The following FBN1 variants were observed in gnomAD, a reference collection of about 807,000 sequenced individuals.
FBN1 encodes the protein fibrillin-1.
In FBN1, 29 loss-of-function variants were observed where a neutral mutation model predicts 365.1. The ratio of observed to expected loss-of-function variants is 0.08; its 90% CI spans 0.06 to 0.11. The LOEUF (loss-of-function observed/expected upper bound fraction) is 0.11. FBN1 is among the 10% of genes least tolerant of loss of function. The pLI is 1.00. For missense variants in FBN1, 2,476 were observed against 3,703.2 expected (o/e 0.67, Z 8.60); for synonymous variants, 1,210 against 1,270.5 (o/e 0.95, Z 1.01).
intron 46 of FBN1, among the ~76,000 whole-genome samples, chr15:48,448,425 A>G (rs12591491): frequency 0.018 from 2,677 of 152,238 alleles, 53 homozygotes; most frequent in East Asian, 0.083. Flanking sequence ...CTTCCAAAAA[A>G]ATGGTCATCT....
At chr15:48,486,188 GAA>G (rs2043505177) in intron 29 of FBN1, among the ~76,000 whole-genome samples, 1 of 152,230 alleles carries the variant, frequency 6.6e-6, no homozygotes, top group Non-Finnish European at 1.5e-5. Context: ...GCACGTGGAT[GAA>G]ATTCTCTTGG....
intron 2 of FBN1, among the ~76,000 whole-genome samples, chr15:48,639,487 G>C (rs928377796): frequency 6.6e-6 from 1 of 152,194 alleles, no homozygotes; most frequent in Non-Finnish European, 1.5e-5. Context: ...GGTTCCTGAA[G>C]TACCCCCAGG....
intron 4 of FBN1, among the ~76,000 whole-genome samples, chr15:48,602,413 G>C (rs11858610): frequency 0.12 from 17,725 of 152,094 alleles, 1,215 homozygotes; most frequent in Non-Finnish European, 0.15. Context: ...TAAGTGCCTA[G>C]AGTAGCACCT....
At chr15:48,523,714 G>GT (rs200886868) in intron 9 of FBN1, among the ~76,000 whole-genome samples, 2 of 116,578 alleles carry the variant, frequency 1.7e-5, no homozygotes, top group Admixed American at 8.4e-5. Context: ...GGTGGCTGGG[G>GT]GGGGGGGGGA....
intron 48 of FBN1, 112 bp from the exon 49 acceptor site, chr15:48,444,772 A>C: frequency 8.3e-7 from 1 of 1,198,800 alleles, no homozygotes; most frequent in Non-Finnish European, 1.2e-6. Flanking sequence ...AAGCAAATTA[A>C]AGTTCATAAA....
chr15:48,448,761 T>C lies in FBN1; in HGVS notation c.5671+7A>G, dbSNP rs751170564. On this transcript the variant is annotated splice_region_variant and intron_variant, in intron 46 of 65. Coordinates refer to ENST00000316623, the MANE Select transcript of FBN1 (RefSeq NM_000138.5). ...TATGAAAAAAATAATAATAATTGCA[T>C]ACTTACCCAAGCACATGGTTTGGTC... 40 of 1,611,782 alleles carry C rather than the reference T, an allele frequency of 2.5e-5. 1 individual carries two copies. In the South Asian group the frequency reaches 2.9e-4, roughly 12 times the overall value.
intron 6 of FBN1, among the ~76,000 whole-genome samples, chr15:48,563,094 G>C (rs556848488): frequency 2.0e-5 from 3 of 152,248 alleles, no homozygotes; most frequent in African/African-American, 7.2e-5. Context: ...GAACCAAGAT[G>C]TTTTACTCAT....
chr15:48,479,310 T>C lies in FBN1; in HGVS notation c.3964+2345A>G, dbSNP rs150866088. Reference sequence around the variant, plus strand: ...TTTGGTTAAGCCATTTCCAATCAAATGTGATGCCCTTCCACAGGTCAGGGC... The same window carrying C: ...TTTGGTTAAGCCATTTCCAATCAAACGTGATGCCCTTCCACAGGTCAGGGC... On this transcript the variant is annotated intron_variant, in intron 32 of 65. Transcript: ENST00000316623. Among the ~76,000 whole-genome samples, 283 of 152,290 alleles carry C rather than the reference T, an allele frequency of 1.9e-3. 2 individuals are homozygous for C. In the South Asian group the frequency reaches 0.022, roughly 12 times the overall value.
chr15:48,411,473 C>T lies in FBN1; in HGVS notation c.8227-94G>A, dbSNP rs2042863618. On this transcript the variant is annotated intron_variant, in intron 65 of 65. Coordinates refer to ENST00000316623, the MANE Select transcript of FBN1 (RefSeq NM_000138.5). ...AAATGACTCAAATTTCACACTAATACAATTTTCTGCCTTATGCTGCATACA... is the reference window on the plus strand; with the variant it reads ...AAATGACTCAAATTTCACACTAATATAATTTTCTGCCTTATGCTGCATACA... 6 of 1,163,536 alleles carry T rather than the reference C, an allele frequency of 5.2e-6. No individual in the cohort carries two copies. The African/African-American group carries it at 7.5e-5, about 15-fold the overall frequency. The allele number at this position is 1,163,536 out of a possible 1,614,324, so 72.1% of individuals were successfully genotyped here.
chr15:48,508,476 G>A, intron 15 of FBN1, 106 bp downstream of exon 15: 2 of 1,498,010 alleles, frequency 1.3e-6, no homozygotes, highest in Admixed American at 1.7e-5. Context: ...CAAAATTCAA[G>A]GTACTTTAAG....
chr15:48,573,399 C>A (rs975594804), intron 6 of FBN1, among the ~76,000 whole-genome samples: 14 of 152,070 alleles, frequency 9.2e-5, no homozygotes, highest in African/African-American at 3.4e-4. Flanking sequence ...ACTATGATCT[C>A]ATATCACAAC....
intron 9 of FBN1, among the ~76,000 whole-genome samples, chr15:48,524,135 C>T (rs2043886614): frequency 6.6e-6 from 1 of 151,986 alleles, no homozygotes; most frequent in Non-Finnish European, 1.5e-5. Flanking sequence ...AGAGAGAACA[C>T]AACAATATAA....
At chr15:48,636,324 A>G (rs1206371952) in intron 2 of FBN1, among the ~76,000 whole-genome samples, 2 of 152,174 alleles carry the variant, frequency 1.3e-5, no homozygotes, top group African/African-American at 4.8e-5. Context: ...TATATAAAGG[A>G]GAATCAAGGA....
At chr15:48,451,305 G>C (rs2043199368) in intron 45 of FBN1, among the ~76,000 whole-genome samples, 1 of 152,154 alleles carries the variant, frequency 6.6e-6, no homozygotes, top group South Asian at 2.1e-4. Context: ...GCAGGGAAGT[G>C]GTATCAATGC....
chr15:48,640,849 A>T (rs765096516), intron 2 of FBN1: 1 of 152,058 alleles, frequency 6.6e-6, no homozygotes, highest in Non-Finnish European at 1.5e-5. Context: ...CAATAAGGCA[A>T]TCATAAATAA....
intron 10 of FBN1, among the ~76,000 whole-genome samples, chr15:48,518,899 G>A (rs1015884745): frequency 6.6e-6 from 1 of 152,156 alleles, no homozygotes; most frequent in Non-Finnish European, 1.5e-5. Context: ...TTTGCCCAAG[G>A]CCTCTGAGGG....
chr15:48,482,375 A>G (rs1244679355), intron 31 of FBN1, among the ~76,000 whole-genome samples: 1 of 152,214 alleles, frequency 6.6e-6, no homozygotes, highest in African/African-American at 2.4e-5. Flanking sequence ...TTAAAATTAT[A>G]TTCTCAGATG....
intron 56 of FBN1, 103 bp from the exon 57 acceptor site, chr15:48,428,574 C>A (rs983875732): frequency 1.2e-5 from 16 of 1,314,910 alleles, no homozygotes; most frequent in Middle Eastern, 1.8e-4. Flanking sequence ...CTCCCTCCTT[C>A]CCTCCCTTTG....
chr15:48,427,796 A>G, intron 57 of FBN1, 23 bp from the exon 58 acceptor site: 1 of 1,606,962 alleles, frequency 6.2e-7, no homozygotes, highest in Non-Finnish European at 8.5e-7. Flanking sequence ...TTATATGGCA[A>G]AGGGGATGTC....
Sources: allele counts gnomAD v4.1 joint callset (sites outside exome capture counted in the v4.1 genomes callset), GRCh38; gene constraint gnomAD v4.1.1; transcripts MANE v1.5; gene names NCBI Gene and HGNC (gene_info 2026-07-23, HGNC 2026-07-21).